DNAJC24: variants seen among roughly 807,000 people sequenced by gnomAD.
DNAJC24 encodes dnaJ homolog subfamily C member 24.
DNAJC24 carries 17 observed loss-of-function variants against 18.0 expected under a neutral mutation model. The observed-to-expected ratio is 0.94, with a 90% confidence interval of 0.65 to 1.42. The LOEUF (loss-of-function observed/expected upper bound fraction) is 1.42. Among genes scored for constraint, DNAJC24 ranks in the 40% most tolerant of loss-of-function variants. The pLI, the probability that DNAJC24 is intolerant of heterozygous loss-of-function variation, is 0.00. For synonymous variants in DNAJC24, 55 were observed against 57.7 expected, an observed-to-expected ratio of 0.95 and a Z score of 0.21; for missense variants, 158 against 175.6, an observed-to-expected ratio of 0.90 and a Z score of 0.57.
At chr11:31,381,850 T>C (rs1413595431) in intron 2 of DNAJC24, among the ~76,000 whole-genome samples, 2 of 152,168 alleles carry the variant, frequency 1.3e-5, no homozygotes, top group Non-Finnish European at 2.9e-5. Flanking sequence ...GTGCTGGGAT[T>C]ACAGGTGTGA....
chr11:31,411,474 G>A (rs925254981), intron 2 of DNAJC24, among the ~76,000 whole-genome samples: 8 of 152,108 alleles, frequency 5.3e-5, no homozygotes, highest in African/African-American at 1.9e-4. Flanking sequence ...ATTATAACTG[G>A]GCTGAGTTCA....
intron 2 of DNAJC24, among the ~76,000 whole-genome samples, chr11:31,406,202 G>A (rs1437013533): frequency 6.6e-6 from 1 of 151,940 alleles, no homozygotes; most frequent in Non-Finnish European, 1.5e-5. Flanking sequence ...GAGATCATTG[G>A]GCTGAAGCAT....
chr11:31,370,949 T>C lies in DNAJC24; in HGVS notation c.111+90T>C. The C allele has an allele frequency of 7.1e-6, 5 of 705,740 alleles. No individual in the cohort carries two copies. The South Asian group carries it at 9.9e-5, about 14-fold the overall frequency. 43.7% of individuals were successfully genotyped at this position (705,740 alleles called of 1,614,324 possible). A position where few individuals can be genotyped will look rare whatever the true frequency, so the allele number is the denominator to read the frequency against. ...AAATTTAGGTTTCCAGAAAATAGGA[T>C]ACCAGTGGCAGGAATCCAGGTATTA... On this transcript the variant is annotated intron_variant, in intron 2 of 4. Coordinates refer to ENST00000465995, the MANE Select transcript of DNAJC24 (RefSeq NM_181706.5).
At position 31,399,744 on chromosome 11, in the gene DNAJC24, T is replaced by C. The variant is rs113369842; in HGVS notation, c.112-15067T>C. ...TTTTTTTTTAACTGTTTTTTCTTTT[T>C]TTTTTTTTTTTTTTTTTACTTCAAG... On this transcript the variant is annotated intron_variant, in intron 2 of 4. Transcript: ENST00000465995. 2.2e-3 allele frequency among the ~76,000 whole-genome samples: 290 copies of C among 134,224 alleles called. 1 individual carries two copies. The East Asian group carries it at 0.041, about 19-fold the overall frequency. The allele number at this position is 134,224 out of a possible 152,430, so 88.1% of individuals were successfully genotyped here.
chr11:31,410,182 AG>A (rs1390656803), intron 2 of DNAJC24, among the ~76,000 whole-genome samples: 42 of 152,238 alleles, frequency 2.8e-4, no homozygotes, highest in Middle Eastern at 3.4e-3. Flanking sequence ...CACCACACCC[AG>A]CCAGTCATTT....
chr11:31,383,398 G>C (rs1300129768), intron 2 of DNAJC24, among the ~76,000 whole-genome samples: 1 of 152,070 alleles, frequency 6.6e-6, no homozygotes, highest in Non-Finnish European at 1.5e-5. Flanking sequence ...AGACTCCAAG[G>C]GTTTTAGGAG....
At chr11:31,417,770 G>A (rs554918954) in intron 3 of DNAJC24, among the ~76,000 whole-genome samples, 2 of 152,086 alleles carry the variant, frequency 1.3e-5, no homozygotes, top group East Asian at 3.9e-4. Context: ...GCTTTCTCGT[G>A]TTTCATAGCT....
chr11:31,387,373 C>T (rs1236244929), intron 2 of DNAJC24, among the ~76,000 whole-genome samples: 1 of 152,058 alleles, frequency 6.6e-6, no homozygotes, highest in Non-Finnish European at 1.5e-5. Flanking sequence ...TTGTGTTACC[C>T]CTTCCCCAGC....
chr11:31,389,524 G>C (rs1172650484), intron 2 of DNAJC24, among the ~76,000 whole-genome samples: 6 of 152,118 alleles, frequency 3.9e-5, no homozygotes, highest in Non-Finnish European at 1.5e-5. Context: ...AACATTATTA[G>C]AGCTAAAGAG....
chr11:31,410,311 C>T (rs1306271240), intron 2 of DNAJC24, among the ~76,000 whole-genome samples: 1 of 152,204 alleles, frequency 6.6e-6, no homozygotes, highest in Non-Finnish European at 1.5e-5. Context: ...TTCATGTGCA[C>T]ACTGTCTGTT....
intron 2 of DNAJC24, among the ~76,000 whole-genome samples, chr11:31,383,452 C>T (rs948084324): frequency 3.9e-5 from 6 of 152,118 alleles, no homozygotes; most frequent in Non-Finnish European, 8.8e-5. Flanking sequence ...ACATGTATTT[C>T]TCATATTATA....
intron 2 of DNAJC24, among the ~76,000 whole-genome samples, chr11:31,383,647 A>G (rs1006968815): frequency 2.6e-5 from 4 of 152,330 alleles, no homozygotes; most frequent in Admixed American, 2.6e-4. Context: ...TACCAGTTAC[A>G]GGAATTGGAA....
chr11:31,429,196 A>C (rs1056917878), intron 4 of DNAJC24, among the ~76,000 whole-genome samples: 2 of 151,946 alleles, frequency 1.3e-5, no homozygotes, highest in African/African-American at 4.8e-5. Context: ...AAGCTGGATT[A>C]GGTGAATGAA....
chr11:31,370,950 AC>A (rs1272927776), intron 2 of DNAJC24, 91 bp downstream of exon 2: 1 of 701,202 alleles, frequency 1.4e-6, no homozygotes, highest in African/African-American at 1.8e-5. Flanking sequence ...AAAATAGGAT[AC>A]CAGTGGCAGG....
At chr11:31,391,941 G>T (rs1332074554) in intron 2 of DNAJC24, among the ~76,000 whole-genome samples, 1 of 152,110 alleles carries the variant, frequency 6.6e-6, no homozygotes, top group Non-Finnish European at 1.5e-5. Flanking sequence ...CCTGTCATTT[G>T]CAACAACATG....
chr11:31,415,044 A>C (rs1163573866), intron 3 of DNAJC24, 95 bp downstream of exon 3: 1 of 1,386,832 alleles, frequency 7.2e-7, no homozygotes, highest in Non-Finnish European at 9.7e-7. Flanking sequence ...CATTTGCACC[A>C]AGTGTTATTG....
At chr11:31,390,351 G>A (rs1276914552) in intron 2 of DNAJC24, among the ~76,000 whole-genome samples, 7 of 140,574 alleles carry the variant, frequency 5.0e-5, no homozygotes, top group East Asian at 4.1e-4. Context: ...AACTGAGATC[G>A]TGCCACTACA....
chr11:31,373,589 A>G (rs630865), intron 2 of DNAJC24, among the ~76,000 whole-genome samples: 19,651 of 134,730 alleles, frequency 0.15, 4,936 homozygotes, highest in African/African-American at 0.41. Context: ...TAGTTTGCTT[A>G]TATTTCCACA....
At chr11:31,385,596 A>G (rs997255396) in intron 2 of DNAJC24, among the ~76,000 whole-genome samples, 13 of 152,226 alleles carry the variant, frequency 8.5e-5, no homozygotes, top group Admixed American at 4.6e-4. Flanking sequence ...ATTATCATTA[A>G]AAGACTTGTT....
Sources: gnomAD v4.1 joint callset for allele counts (sites outside exome capture counted in the v4.1 genomes callset) on GRCh38, gnomAD v4.1.1 for gene constraint, MANE v1.5 for transcripts, NCBI Gene and HGNC (gene_info 2026-07-23, HGNC 2026-07-21) for gene names.